The following GNA12 variants were observed in gnomAD, a reference collection of about 807,000 sequenced individuals.
The protein encoded by GNA12 is G protein subunit alpha 12.
Under a neutral mutation model 26.0 loss-of-function variants are expected in GNA12, and 9 were observed. The ratio of observed to expected loss-of-function variants is 0.35; its 90% CI spans 0.21 to 0.60. The LOEUF is 0.60. GNA12 is among the 20% of genes least tolerant of loss of function. The probability of loss-of-function intolerance (pLI) is 0.78; values close to 1 mark genes in which losing one functional copy is unlikely to be tolerated. For synonymous variants in GNA12, 264 were observed against 219.6 expected, an observed-to-expected ratio of 1.20 and a Z score of -1.79; for missense variants, 405 against 525.8, an observed-to-expected ratio of 0.77 and a Z score of 2.25.
chr7:2,770,141 A>C (rs146440489), intron 2 of GNA12, among the ~76,000 whole-genome samples: 33 of 152,328 alleles, frequency 2.2e-4, no homozygotes, highest in Middle Eastern at 3.4e-3. Context: ...ATAGCAACAA[A>C]TAAACAAACC....
chr7:2,778,569 C>T (rs1011087276), intron 2 of GNA12, among the ~76,000 whole-genome samples: 2 of 152,218 alleles, frequency 1.3e-5, no homozygotes, highest in African/African-American at 4.8e-5. Flanking sequence ...GGAGTTCAGA[C>T]CCCTGGCTCT....
At chr7:2,789,864 C>T (rs531325440) in intron 2 of GNA12, among the ~76,000 whole-genome samples, 1 of 152,154 alleles carries the variant, frequency 6.6e-6, no homozygotes, top group South Asian at 2.1e-4. Flanking sequence ...CACAGAGAAG[C>T]CCAGGAAAGC....
At chr7:2,792,730 C>G (rs1792551272) in intron 2 of GNA12, among the ~76,000 whole-genome samples, 1 of 152,214 alleles carries the variant, frequency 6.6e-6, no homozygotes, top group Non-Finnish European at 1.5e-5. Flanking sequence ...ATCTTCCACT[C>G]TCTTTTGATT....
intron 1 of GNA12, among the ~76,000 whole-genome samples, chr7:2,797,433 C>A (rs1301347863): frequency 1.3e-5 from 2 of 151,918 alleles, no homozygotes; most frequent in African/African-American, 4.8e-5. Context: ...GTGTGAGCCA[C>A]TGCATCCGGC....
At chr7:2,818,756 C>T (rs1364963836) in intron 1 of GNA12, among the ~76,000 whole-genome samples, 1 of 114,142 alleles carries the variant, frequency 8.8e-6, no homozygotes, top group East Asian at 2.3e-4. Flanking sequence ...GAGACCCTAA[C>T]TTGAAAAAAA....
intron 1 of GNA12, chr7:2,815,181 G>A: frequency 2.0e-6 from 1 of 493,044 alleles, no homozygotes; most frequent in Non-Finnish European, 3.6e-6. Flanking sequence ...TCGGCGAGGT[G>A]CCTGCGGTCC....
intron 2 of GNA12, among the ~76,000 whole-genome samples, chr7:2,748,738 A>C (rs562812886): frequency 2.2e-4 from 33 of 152,362 alleles, no homozygotes; most frequent in Middle Eastern, 3.4e-3. Flanking sequence ...ACAGAATGGG[A>C]GAAAATTTTT....
chr7:2,791,880 A>T (rs1461799324), intron 2 of GNA12, among the ~76,000 whole-genome samples: 1 of 152,220 alleles, frequency 6.6e-6, no homozygotes, highest in African/African-American at 2.4e-5. Context: ...AAGAATAAAA[A>T]GAAGGGCAAA....
At chr7:2,788,797 C>T (rs1390939159) in intron 2 of GNA12, among the ~76,000 whole-genome samples, 5 of 152,144 alleles carry the variant, frequency 3.3e-5, no homozygotes, top group African/African-American at 9.7e-5. Context: ...AGAGCTCAGC[C>T]GGCCTTGCCC....
At chr7:2,767,567 G>A (rs1239932571) in intron 2 of GNA12, among the ~76,000 whole-genome samples, 1 of 152,132 alleles carries the variant, frequency 6.6e-6, no homozygotes, top group Non-Finnish European at 1.5e-5. Flanking sequence ...ACCCTTTATA[G>A]TACCCTCTCT....
intron 1 of GNA12, among the ~76,000 whole-genome samples, chr7:2,804,291 G>A (rs1408616189): frequency 2.6e-5 from 4 of 152,184 alleles, no homozygotes; most frequent in Non-Finnish European, 5.9e-5. Context: ...GTAACTAACT[G>A]AATAGACTGC....
intron 1 of GNA12, among the ~76,000 whole-genome samples, chr7:2,798,385 T>C (rs1792730126): frequency 6.6e-6 from 1 of 152,172 alleles, no homozygotes; most frequent in Non-Finnish European, 1.5e-5. Context: ...TTCTATATAC[T>C]AGCAATGAAC....
chr7:2,775,429 G>A (rs1792052661), intron 2 of GNA12: 1 of 152,236 alleles, frequency 6.6e-6, no homozygotes, highest in Non-Finnish European at 1.5e-5. Context: ...CAAACCGAGA[G>A]GAGGAAAATC....
chr7:2,756,764 A>C (rs181194614), intron 2 of GNA12, among the ~76,000 whole-genome samples: 2 of 152,296 alleles, frequency 1.3e-5, no homozygotes, highest in Admixed American at 1.3e-4. Flanking sequence ...ATGATGGAAC[A>C]TCACTTTTGT....
intron 2 of GNA12, among the ~76,000 whole-genome samples, chr7:2,776,190 C>A (rs1331288417): frequency 6.6e-6 from 1 of 152,238 alleles, no homozygotes; most frequent in East Asian, 1.9e-4. Flanking sequence ...CCCATCTCAG[C>A]CTCCCAAAGT....
intron 2 of GNA12, among the ~76,000 whole-genome samples, chr7:2,766,896 T>C (rs1490347829): frequency 6.6e-6 from 1 of 152,172 alleles, no homozygotes; most frequent in Non-Finnish European, 1.5e-5. Flanking sequence ...TCACCAACAC[T>C]TGTTATTTTG....
chr7:2,815,211 CA>C (rs1793190545), intron 1 of GNA12: 1 of 374,210 alleles, frequency 2.7e-6, no homozygotes. Context: ...AGTGTGCTCT[CA>C]AGGAGGAAGC....
At chr7:2,795,816 C>CTT (rs71026559) in intron 1 of GNA12, among the ~76,000 whole-genome samples, 3 of 137,890 alleles carry the variant, frequency 2.2e-5, no homozygotes, top group Non-Finnish European at 3.1e-5. Context: ...AAAAAAACAA[C>CTT]TTTTTTTTTT....
At chr7:2,786,132 G>A (rs961557565) in intron 2 of GNA12, among the ~76,000 whole-genome samples, 3 of 152,194 alleles carry the variant, frequency 2.0e-5, no homozygotes, top group Admixed American at 6.5e-5. Context: ...TCTGTATTTC[G>A]ACTGTGGTGT....
Sources: allele counts gnomAD v4.1 joint callset (sites outside exome capture counted in the v4.1 genomes callset), GRCh38; gene constraint gnomAD v4.1.1; transcripts MANE v1.5; gene names NCBI Gene and HGNC (gene_info 2026-07-23, HGNC 2026-07-21).